Variants in KCNS3 observed in about 807,000 individuals in gnomAD.
The protein encoded by KCNS3 is delayed-rectifier potassium channel regulatory subunit KCNS3.
Under a neutral mutation model 31.0 loss-of-function variants are expected in KCNS3, and 13 were observed. That is an observed-to-expected ratio of 0.42 (90% CI 0.27 to 0.67). The LOEUF (loss-of-function observed/expected upper bound fraction) is 0.67. KCNS3 is among the 30% of genes least tolerant of loss of function. The probability of loss-of-function intolerance (pLI) is 0.25; values close to 1 mark genes in which losing one functional copy is unlikely to be tolerated. For missense variants in KCNS3, 545 were observed against 622.4 expected (o/e 0.88, Z 1.32); for synonymous variants, 238 against 241.5 (o/e 0.99, Z 0.13).
chr2:17,907,490 G>C (rs1662355374), intron 1 of KCNS3, among the ~76,000 whole-genome samples: 1 of 152,184 alleles, frequency 6.6e-6, no homozygotes, highest in Admixed American at 6.5e-5. Flanking sequence ...GTGTGAATTT[G>C]ATCCACTCCT....
At chr2:17,901,558 A>G (rs1413577431) in intron 1 of KCNS3, among the ~76,000 whole-genome samples, 3 of 152,174 alleles carry the variant, frequency 2.0e-5, no homozygotes, top group African/African-American at 7.2e-5. Context: ...TCTGGTAGGC[A>G]GCTCTGTGAG....
chr2:17,921,677 G>A (rs528722150), intron 2 of KCNS3, among the ~76,000 whole-genome samples: 5 of 151,630 alleles, frequency 3.3e-5, no homozygotes, highest in East Asian at 3.9e-4. Context: ...GCAGGAGAGC[G>A]AGAGAGAGTG....
chr2:17,901,751 T>C (rs1458922617), intron 1 of KCNS3, among the ~76,000 whole-genome samples: 2 of 152,112 alleles, frequency 1.3e-5, no homozygotes, highest in African/African-American at 4.8e-5. Context: ...TGTCTTCAGC[T>C]TGGTTGATGA....
At chr2:17,890,240 T>C (rs924279111) in intron 1 of KCNS3, among the ~76,000 whole-genome samples, 1 of 152,178 alleles carries the variant, frequency 6.6e-6, no homozygotes, top group Non-Finnish European at 1.5e-5. Flanking sequence ...CTGAATGATC[T>C]TTTGTATTTC....
intron 1 of KCNS3, among the ~76,000 whole-genome samples, chr2:17,916,877 T>TC (rs1342881405): frequency 1.3e-5 from 2 of 151,936 alleles, no homozygotes; most frequent in Non-Finnish European, 2.9e-5. Flanking sequence ...TTCTTTTTTT[T>TC]CCCTCCCCCT....
At chr2:17,890,867 A>G (rs2125235004) in intron 1 of KCNS3, among the ~76,000 whole-genome samples, 1 of 152,088 alleles carries the variant, frequency 6.6e-6, no homozygotes, top group East Asian at 1.9e-4. Flanking sequence ...TCTTGGAGAA[A>G]GTTCCATGCA....
chr2:17,904,648 G>T (rs1662271969), intron 1 of KCNS3, among the ~76,000 whole-genome samples: 1 of 152,106 alleles, frequency 6.6e-6, no homozygotes, highest in Non-Finnish European at 1.5e-5. Flanking sequence ...AAGATGTAAG[G>T]AAGGGATCCA....
chr2:17,885,205 C>T (rs959120682), intron 1 of KCNS3, among the ~76,000 whole-genome samples: 10 of 152,048 alleles, frequency 6.6e-5, no homozygotes, highest in African/African-American at 2.4e-4. Flanking sequence ...AGACAGTAAC[C>T]CTTCCAATGT....
At chr2:17,928,329 C>T (rs369342381) in intron 2 of KCNS3, among the ~76,000 whole-genome samples, 15 of 152,222 alleles carry the variant, frequency 9.9e-5, no homozygotes, top group East Asian at 3.9e-4. Flanking sequence ...TGCAGTAGTG[C>T]GATCTCGGCT....
chr2:17,924,873 A>C (rs1202102193), intron 2 of KCNS3, among the ~76,000 whole-genome samples: 1 of 152,158 alleles, frequency 6.6e-6, no homozygotes, highest in Non-Finnish European at 1.5e-5. Flanking sequence ...AGGAGCTGGG[A>C]AGTATGCCTT....
chr2:17,878,907 T>G (rs1320797162), intron 1 of KCNS3, 101 bp downstream of exon 1: 2 of 152,266 alleles, frequency 1.3e-5, no homozygotes, highest in Non-Finnish European at 2.9e-5. Flanking sequence ...TGCCCCAGTC[T>G]CCTGTGGTCC....
chr2:17,893,940 GTTTTTT>G lies in KCNS3; in HGVS notation c.-252+15155_-252+15160del, dbSNP rs5829612. 9.9e-3 allele frequency among the ~76,000 whole-genome samples: 980 copies of G among 98,890 alleles called. 11 individuals carry two copies. Among genetic ancestry groups the G allele is most frequent in the Middle Eastern group, 0.013 (2 of 150 alleles). 64.9% of individuals were successfully genotyped at this position (98,890 alleles called of 152,430 possible). The stretch of plus-strand genomic sequence containing the variant: ...CCCTCTGCCATGATCCCAGGAGCCA[GTTTTTT>G]TTTTTTTTTTTTTTTTTTTTAATAT... On this transcript the variant is annotated intron_variant, in intron 1 of 2. Coordinates refer to ENST00000304101, the MANE Select transcript of KCNS3 (RefSeq NM_002252.5).
chr2:17,908,410 C>T (rs2125244130), intron 1 of KCNS3, among the ~76,000 whole-genome samples: 1 of 152,332 alleles, frequency 6.6e-6, no homozygotes, highest in East Asian at 1.9e-4. Context: ...TTCGAACTTC[C>T]TCCTTTAGCT....
rs547845691 is a variant in KCNS3 at position 17,906,656 on chromosome 2, G to A, written c.-251-11024G>A. ...AATGTCCCAGAGATTCTGGTATGTT[G>A]TGTCGTTGTTCTCATTGGTTTCAAA... On this transcript the variant is annotated intron_variant, in intron 1 of 2. Transcript: ENST00000304101. 3.0e-4 allele frequency among the ~76,000 whole-genome samples: 46 copies of A among 152,306 alleles called. No individual in the cohort carries two copies. The East Asian group carries it at 8.5e-3, about 28-fold the overall frequency.
chr2:17,884,325 G>T (rs552296904), intron 1 of KCNS3, among the ~76,000 whole-genome samples: 3 of 143,328 alleles, frequency 2.1e-5, no homozygotes, highest in South Asian at 4.5e-4. Flanking sequence ...GAGGGCTGGG[G>T]TCAGATCAAG....
chr2:17,879,640 C>T (rs1674593695), intron 1 of KCNS3, among the ~76,000 whole-genome samples: 1 of 152,198 alleles, frequency 6.6e-6, no homozygotes, highest in South Asian at 2.1e-4. Flanking sequence ...GCGAGCCTGG[C>T]TGGGCGCCTT....
intron 1 of KCNS3, among the ~76,000 whole-genome samples, chr2:17,896,386 A>T (rs1662027990): frequency 6.6e-6 from 1 of 152,048 alleles, no homozygotes; most frequent in African/African-American, 2.4e-5. Flanking sequence ...CCCTCTAGCC[A>T]TCCACGGAGG....
chr2:17,904,732 C>A (rs1183543357), intron 1 of KCNS3, among the ~76,000 whole-genome samples: 1 of 152,198 alleles, frequency 6.6e-6, no homozygotes, highest in Non-Finnish European at 1.5e-5. Context: ...TTCCGCATTT[C>A]TTCTTTTTGT....
intron 2 of KCNS3, among the ~76,000 whole-genome samples, chr2:17,923,852 A>G (rs1292827786): frequency 1.3e-5 from 2 of 151,898 alleles, no homozygotes; most frequent in African/African-American, 4.8e-5. Context: ...CAATTTGTCA[A>G]TTTCTGAAGT....
Sources: gnomAD v4.1 joint callset for allele counts (sites outside exome capture counted in the v4.1 genomes callset) on GRCh38, gnomAD v4.1.1 for gene constraint, MANE v1.5 for transcripts, NCBI Gene and HGNC (gene_info 2026-07-23, HGNC 2026-07-21) for gene names.